PHF19: variants seen among roughly 807,000 people sequenced by gnomAD.
PHF19 encodes the protein polycomb like 3.
A neutral mutation model predicts 79.8 loss-of-function variants in PHF19; 21 were observed. The observed-to-expected ratio is 0.26, with a 90% CI of 0.19 to 0.38. The LOEUF (loss-of-function observed/expected upper bound fraction) is 0.38. Ranked by LOEUF, PHF19 falls within the 10% of genes least tolerant of loss-of-function variation. The pLI is 1.00. For missense variants in PHF19, 445 were observed against 744.2 expected, an observed-to-expected ratio of 0.60 and a Z score of 4.68; for synonymous variants, 273 against 296.3, an observed-to-expected ratio of 0.92 and a Z score of 0.81.
At position 120,866,210 on chromosome 9, in the gene PHF19, C is replaced by T; in HGVS notation, c.711-114G>A. On this transcript the variant is annotated intron_variant, in intron 7 of 14. Coordinates refer to ENST00000373896, the MANE Select transcript of PHF19 (RefSeq NM_015651.3). The surrounding 1 kb of genome is among the most constrained non-coding windows in gnomAD (Gnocchi z 5.2). ...CTACCTTCCCATAATCTTCTCACTC[C>T]TAGGACTGCTGGCCACTGGGGGTCA... The T allele has an allele frequency of 1.3e-6, 1 of 793,398 alleles. No homozygotes were observed. Among genetic ancestry groups the T allele is most frequent in the Non-Finnish European group, 2.2e-6 (1 of 451,416 alleles). The allele number at this position is 793,398 out of a possible 1,614,324, so 49.1% of individuals were successfully genotyped here.
rs750603816 is a variant in PHF19, at chr9:120,858,145, G to A, written c.1542C>T (p.Asp514=). ...AEGASVPERP[D]EGIDSHTFES... ...CAAATGTGTGGCTGTCAATGCCTTCGTCTGGCCGCTCGGGGACTGAAGCCC... is the reference window on the plus strand; with the variant it reads ...CAAATGTGTGGCTGTCAATGCCTTCATCTGGCCGCTCGGGGACTGAAGCCC... Residue 514 remains aspartate (D), a synonymous_variant, in exon 15 of 15, where the codon GAC becomes GAT. Coordinates refer to ENST00000373896, the MANE Select transcript of PHF19 (RefSeq NM_015651.3). 1.9e-5 allele frequency: 30 copies of A among 1,613,510 alleles called. No homozygotes were observed. Among genetic ancestry groups the A allele is most frequent in the African/African-American group, 4.0e-5 (3 of 74,926 alleles).
Position 120,862,656 on chromosome 9 carries a change from G to C in PHF19, c.1062C>G (p.Asp354Glu), listed in dbSNP as rs1431504660. ...TGTTCTCATTTGGCAGCAGTCCTTTGTCAGGCAGCAGCTTCCCTGGCGGGT... is the reference window on the plus strand; with the variant it reads ...TGTTCTCATTTGGCAGCAGTCCTTTCTCAGGCAGCAGCTTCCCTGGCGGGT... ...PPNPPGKLLP[D>E]KGLLPNENSA... Residue 354 changes from aspartate to glutamate, a missense_variant, in exon 11 of 15, where the codon GAC becomes GAG. Transcript: ENST00000373896. The surrounding 1 kb of genome is among the most constrained non-coding windows in gnomAD (Gnocchi z 4.6). The C allele has an allele frequency of 6.2e-7, 1 of 1,614,192 alleles. No individual in the cohort carries two copies. The highest frequency in any genetic ancestry group is 8.5e-7 in the Non-Finnish European group (1 of 1,180,006).
rs754954405 is a variant in PHF19, at chr9:120,869,292, C to A, written c.504G>T (p.Thr168=). The change falls in exon 6 of 15, where the codon ACG becomes ACT. Residue 168 remains threonine (T), a synonymous_variant. Transcript: ENST00000373896. The surrounding 1 kb of genome is among the most constrained non-coding windows in gnomAD (Gnocchi z 5.8). ...ACAGCACCATCTTCACGGCCTGCAG[C>A]GTCCTGGCGATGGCGCCCTTCTTCA... ...GALKKGAIAR[T]LQAVKMVLSY... 4.3e-6 allele frequency: 7 copies of A among 1,612,832 alleles called. No homozygotes were observed. The highest frequency in any genetic ancestry group is 3.3e-5 in the Admixed American group (2 of 59,914).
At chr9:120,887,147 G>A (rs1250531613) in intron 1 of PHF19, among the ~76,000 whole-genome samples, 1 of 151,986 alleles carries the variant, frequency 6.6e-6, no homozygotes, top group African/African-American at 2.4e-5. Context: ...ATCAGTGGAA[G>A]GCCTTAAGAG....
upstream of PHF19, among the ~76,000 whole-genome samples, chr9:120,898,398 T>G (rs1264583833): frequency 6.6e-6 from 1 of 152,242 alleles, no homozygotes; most frequent in African/African-American, 2.4e-5. Context: ...ATTACAGGCA[T>G]GAGCCACCGC....
chr9:120,877,643 G>A (rs1028171244), upstream of PHF19, among the ~76,000 whole-genome samples: 1 of 152,202 alleles, frequency 6.6e-6, no homozygotes, highest in African/African-American at 2.4e-5. Flanking sequence ...CAGCAGGGCG[G>A]CGCGGACCCT....
Position 120,857,704 on chromosome 9 carries a change from G to A in PHF19, c.*240C>T. On this transcript the variant is annotated 3_prime_UTR_variant, in exon 15 of 15. Coordinates refer to ENST00000373896, the MANE Select transcript of PHF19 (RefSeq NM_015651.3). ...ACAGATAAACAGAGTTTGAGGGGGT[G>A]TGGAGTGTGTAGAGACACAGGCACA... 1 of 461,876 alleles carries A rather than the reference G, an allele frequency of 2.2e-6. No individual in the cohort carries two copies. The highest frequency in any genetic ancestry group is 3.8e-6 in the Non-Finnish European group (1 of 261,378). 28.6% of individuals were successfully genotyped at this position (461,876 alleles called of 1,614,324 possible). A position where few individuals can be genotyped will look rare whatever the true frequency, so the allele number is the denominator to read the frequency against.
At position 120,869,079 on chromosome 9, in the gene PHF19, C is replaced by G. The variant is rs2131533140; in HGVS notation, c.614+103G>C. On this transcript the variant is annotated intron_variant, in intron 6 of 14. Transcript: ENST00000373896. This position sits in a 1 kb window ranked among gnomAD's most constrained non-coding sequence, Gnocchi z 5.8. ...CACACTGGGCCCGCCCTCAAGGTCCCCGCCTTGGCTGACACGCCAGGCTCG... is the reference window on the plus strand; with the variant it reads ...CACACTGGGCCCGCCCTCAAGGTCCGCGCCTTGGCTGACACGCCAGGCTCG... The G allele has an allele frequency of 1.5e-6, 2 of 1,310,804 alleles. No homozygotes were observed. The highest frequency in any genetic ancestry group is 2.0e-6 in the Non-Finnish European group (2 of 982,504). 81.2% of individuals were successfully genotyped at this position (1,310,804 alleles called of 1,614,324 possible). A position where few individuals can be genotyped will look rare whatever the true frequency, so the allele number is the denominator to read the frequency against.
chr9:120,883,346 GT>G (rs1240514679), intron 1 of PHF19, among the ~76,000 whole-genome samples: 1 of 152,220 alleles, frequency 6.6e-6, no homozygotes, highest in Non-Finnish European at 1.5e-5. Flanking sequence ...TAAAGTGGTG[GT>G]TTGTTCACCC....
At chr9:120,890,624 T>C (rs1386246388) in intron 1 of PHF19, among the ~76,000 whole-genome samples, 2 of 152,132 alleles carry the variant, frequency 1.3e-5, no homozygotes, top group Non-Finnish European at 2.9e-5. Context: ...CAAACATGTC[T>C]TTAACACACG....
intron 3 of PHF19, among the ~76,000 whole-genome samples, chr9:120,872,787 G>C (rs879417760): frequency 2.6e-5 from 4 of 151,298 alleles, no homozygotes; most frequent in Non-Finnish European, 4.4e-5. Context: ...CAGCCTCCCG[G>C]GTAGCTGTAT....
At chr9:120,877,980 AC>A (rs1220845488), upstream of PHF19, among the ~76,000 whole-genome samples, 5 of 152,256 alleles carry the variant, frequency 3.3e-5, no homozygotes, top group African/African-American at 1.2e-4. Flanking sequence ...GGCAAGAGAC[AC>A]AAGTTTTCCT....
At chr9:120,901,214 A>G in the PHF19 span, among the ~76,000 whole-genome samples, 6 of 151,472 alleles carry the variant, frequency 4.0e-5, no homozygotes, top group African/African-American at 1.5e-4. Context: ...GTTGTTTGAG[A>G]CAGAGTCTCG....
At chr9:120,880,595 T>G (rs2046164982), upstream of PHF19, among the ~76,000 whole-genome samples, 2 of 152,194 alleles carry the variant, frequency 1.3e-5, no homozygotes, top group Admixed American at 6.5e-5. Context: ...CTCAACATAG[T>G]TACACCCTAG....
In PHF19 at chr9:120,860,868, T is replaced by C. The variant is rs1588090109; in HGVS notation, c.1304+221A>G. ...AAAGATGAGCAAGCATCAAACAGCA[T>C]GGTGAGTGTGGATAACCATGGGGCA... On this transcript the variant is annotated intron_variant, in intron 13 of 14. Transcript: ENST00000373896. This position sits in a 1 kb window ranked among gnomAD's most constrained non-coding sequence, Gnocchi z 4.1. 2 of 517,130 alleles carry C rather than the reference T, an allele frequency of 3.9e-6. No homozygotes were observed. The highest frequency in any genetic ancestry group is 7.1e-6 in the Non-Finnish European group (2 of 282,874). 32.0% of individuals were successfully genotyped at this position (517,130 alleles called of 1,614,324 possible).
Position 120,870,555 on chromosome 9 carries a change from C to A in PHF19, c.269-17G>T. On this transcript the variant is annotated splice_polypyrimidine_tract_variant and intron_variant, in intron 3 of 14. Transcript: ENST00000373896. This position sits in a 1 kb window ranked among gnomAD's most constrained non-coding sequence, Gnocchi z 4.4. The stretch of plus-strand genomic sequence containing the variant: ...GAACACCGGCTGAAAGAGAGGGCCT[C>A]GAGGGTCGGGTCCAGCTCACAGGAA... 1.4e-6 allele frequency: 2 copies of A among 1,478,608 alleles called. No homozygotes were observed. Among genetic ancestry groups the A allele is most frequent in the Non-Finnish European group, 1.9e-6 (2 of 1,056,376 alleles). 91.6% of individuals were successfully genotyped at this position (1,478,608 alleles called of 1,614,324 possible). A position where few individuals can be genotyped will look rare whatever the true frequency, so the allele number is the denominator to read the frequency against.
chr9:120,881,695 G>A (rs990037876), upstream of PHF19, among the ~76,000 whole-genome samples: 1 of 152,152 alleles, frequency 6.6e-6, no homozygotes, highest in Non-Finnish European at 1.5e-5. Context: ...AGCATTGCTT[G>A]TTAGGTGTCC....
At chr9:120,882,215 C>A (rs2046196755) in intron 1 of PHF19, among the ~76,000 whole-genome samples, 1 of 152,190 alleles carries the variant, frequency 6.6e-6, no homozygotes, top group South Asian at 2.1e-4. Flanking sequence ...CTCTGCTCAG[C>A]AGTGTCTCAG....
intron 1 of PHF19, among the ~76,000 whole-genome samples, chr9:120,888,740 A>G (rs1169076704): frequency 6.6e-6 from 1 of 152,180 alleles, no homozygotes; most frequent in Non-Finnish European, 1.5e-5. Flanking sequence ...GCTGGAGAAC[A>G]GGCTTGGACA....
Sources: gnomAD v4.1 joint callset for allele counts (sites outside exome capture counted in the v4.1 genomes callset) on GRCh38, gnomAD v4.1.1 for gene constraint, Gnocchi (gnomAD v3.1) non-coding constraint, MANE v1.5 for transcripts, NCBI Gene and HGNC (gene_info 2026-07-23, HGNC 2026-07-21) for gene names.